RDX: variants seen among roughly 807,000 people sequenced by gnomAD.
RDX encodes deafness, autosomal recessive 24.
Under a neutral mutation model 83.7 loss-of-function variants are expected in RDX, and 32 were observed. The observed-to-expected ratio is 0.38, with a 90% CI of 0.29 to 0.51. RDX has a LOEUF of 0.51. Among genes scored for constraint, RDX ranks in the 20% least tolerant of loss-of-function variants. RDX has a pLI of 0.87. For synonymous variants in RDX, 229 were observed against 222.7 expected (o/e 1.03, Z -0.25); for missense variants, 600 against 689.9 (o/e 0.87, Z 1.46).
intron 1 of RDX, among the ~76,000 whole-genome samples, chr11:110,283,216 C>T (rs1402250187): frequency 1.1e-4 from 16 of 151,962 alleles, no homozygotes; most frequent in Non-Finnish European, 1.6e-4. Context: ...TGCAGTGGCG[C>T]GATCTTGGCT....
intron 15 of RDX, among the ~76,000 whole-genome samples, chr11:110,178,143 T>A (rs1399774948): frequency 1.3e-5 from 2 of 152,108 alleles, no homozygotes; most frequent in Non-Finnish European, 2.9e-5. Flanking sequence ...CTGCCAGGGA[T>A]AACCTCCATC....
chr11:110,296,244 CG>C (rs1322065019), intron 1 of RDX, among the ~76,000 whole-genome samples: 3 of 152,100 alleles, frequency 2.0e-5, no homozygotes, highest in Middle Eastern at 3.4e-3. Flanking sequence ...AGCCACGACT[CG>C]GGCAGGGCCT....
intron 15 of RDX, among the ~76,000 whole-genome samples, chr11:110,186,969 G>A (rs1466492123): frequency 6.6e-6 from 1 of 152,204 alleles, no homozygotes; most frequent in Non-Finnish European, 1.5e-5. Flanking sequence ...CAGCAAATGT[G>A]GAAGGTGTCC....
intron 12 of RDX, among the ~76,000 whole-genome samples, chr11:110,234,939 T>A (rs182005820): frequency 2.4e-4 from 37 of 152,348 alleles, no homozygotes; most frequent in African/African-American, 8.2e-4. Context: ...TAAGAGTTAA[T>A]GTTGTTTGAA....
chr11:110,242,458 T>TAAAAAAAAAAAAAAAA (rs1238291398), intron 10 of RDX, among the ~76,000 whole-genome samples: 1 of 126,012 alleles, frequency 7.9e-6, no homozygotes, highest in Non-Finnish European at 1.7e-5. Flanking sequence ...AAAAAAAAAT[T>TAAAAAAAAAAAAAAAA]AAAAAAAAAA....
intron 15 of RDX, chr11:110,180,060 CCTGG>C (rs1259807777): frequency 1.0e-5 from 3 of 293,368 alleles, no homozygotes; most frequent in Non-Finnish European, 2.0e-5. Context: ...CACCACCACG[CCTGG>C]CTAATTTTTG....
At chr11:110,221,460 T>A (rs1302398223) in intron 14 of RDX, among the ~76,000 whole-genome samples, 1 of 152,020 alleles carries the variant, frequency 6.6e-6, no homozygotes, top group Non-Finnish European at 1.5e-5. Flanking sequence ...TAGCCAGGTG[T>A]GGTGGCACAT....
At position 110,247,809 on chromosome 11, in the gene RDX, C is replaced by T; in HGVS notation, c.984G>A (p.Lys328=). Reference sequence around the variant, plus strand: ...TTTCCTTTTCTGCTATTTCTCTTTTCTTCTTTTCATTCTCTAATTGTGCCC... The same window carrying T: ...TTTCCTTTTCTGCTATTTCTCTTTTTTTCTTTTCATTCTCTAATTGTGCCC... ...LERAQLENEK[K]KREIAEKEKE... The change falls in exon 10 of 14, where the codon AAG becomes AAA. Residue 328 remains lysine, a synonymous_variant. Transcript: ENST00000645495. 6.3e-7 allele frequency: 1 copy of T among 1,578,692 alleles called. No homozygotes were observed. Among genetic ancestry groups the T allele is most frequent in the Non-Finnish European group, 8.6e-7 (1 of 1,161,644 alleles).
chr11:110,287,562 T>C (rs896352040), intron 1 of RDX, among the ~76,000 whole-genome samples: 1 of 152,184 alleles, frequency 6.6e-6, no homozygotes, highest in Non-Finnish European at 1.5e-5. Flanking sequence ...ATGGCAATAA[T>C]AATGCACTTT....
intron 14 of RDX, among the ~76,000 whole-genome samples, chr11:110,222,783 G>A (rs1383893308): frequency 6.6e-6 from 1 of 152,110 alleles, no homozygotes; most frequent in Non-Finnish European, 1.5e-5. Flanking sequence ...CTGGGCGACA[G>A]AGCCAGACTC....
chr11:110,265,003 C>G, intron 3 of RDX, 129 bp from the exon 4 acceptor site: 1 of 561,126 alleles, frequency 1.8e-6, no homozygotes, highest in Non-Finnish European at 3.1e-6. Context: ...ATAGAAAAGG[C>G]TTTCCCTAAA....
At chr11:110,254,483 CTT>C (rs879539387) in intron 8 of RDX, among the ~76,000 whole-genome samples, 1 of 144,468 alleles carries the variant, frequency 6.9e-6, no homozygotes. Flanking sequence ...TAGAATTGTT[CTT>C]TTTTTTTTTT....
At chr11:110,245,715 A>C (rs151101067) in intron 10 of RDX, among the ~76,000 whole-genome samples, 1,828 of 152,288 alleles carry the variant, frequency 0.012, 38 homozygotes, top group African/African-American at 0.041. Context: ...GTATTATTTA[A>C]TATATTGCTT....
chr11:110,281,959 C>CCAAA (rs1248047203), intron 1 of RDX, among the ~76,000 whole-genome samples: 2 of 125,752 alleles, frequency 1.6e-5, no homozygotes, highest in African/African-American at 6.0e-5. Context: ...AAAAAAAAAA[C>CCAAA]CAAACAAACA....
chr11:110,242,358 C>T (rs748536327), intron 10 of RDX, among the ~76,000 whole-genome samples: 84 of 151,014 alleles, frequency 5.6e-4, no homozygotes, highest in Admixed American at 2.0e-4. Flanking sequence ...CGCTTGAACC[C>T]GGGAGGCAGA....
chr11:110,249,824 T>C (rs936567128), intron 9 of RDX, among the ~76,000 whole-genome samples: 1 of 152,154 alleles, frequency 6.6e-6, no homozygotes, highest in Non-Finnish European at 1.5e-5. Context: ...CAGTTAGCTA[T>C]GATCGTGCCA....
intron 3 of RDX, among the ~76,000 whole-genome samples, chr11:110,269,606 T>C (rs998804678): frequency 6.6e-6 from 1 of 152,168 alleles, no homozygotes; most frequent in South Asian, 2.1e-4. Flanking sequence ...CATACAAAAG[T>C]AAAGTCTGCA....
chr11:110,253,819 T>A, intron 9 of RDX, 127 bp downstream of exon 9: 2 of 835,840 alleles, frequency 2.4e-6, no homozygotes, highest in Non-Finnish European at 3.8e-6. Context: ...TAATACTGTC[T>A]TTGAATTTTA....
chr11:110,264,230 G>A lies in RDX; in HGVS notation c.197C>T (p.Thr66Ile). 1 of 1,596,654 alleles carries A rather than the reference G, an allele frequency of 6.3e-7. No individual in the cohort carries two copies. The highest frequency in any genetic ancestry group is 8.5e-7 in the Non-Finnish European group (1 of 1,171,376). Residue 66 changes from threonine to isoleucine, a missense_variant, in exon 5 of 14, where the codon ACA becomes ATA. Physicochemically the swap from Thr to Ile is moderately conservative, Grantham distance 89. Coordinates refer to ENST00000645495, the MANE Select transcript of RDX (RefSeq NM_002906.4). ...ATTCTCTTTTTTAACATCCTGCTGT[G>A]TTACCTGGAAAAATAATTTCAAGTA... ...STWLKLNKKV[T>I]QQDVKKENPL...
Sources: gnomAD v4.1 joint callset for allele counts (sites outside exome capture counted in the v4.1 genomes callset) on GRCh38, gnomAD v4.1.1 for gene constraint, MANE v1.5 for transcripts, NCBI Gene and HGNC (gene_info 2026-07-23, HGNC 2026-07-21) for gene names.